NTRK3: variants seen among roughly 807,000 people sequenced by gnomAD.
NTRK3 encodes NT-3 growth factor receptor.
NTRK3 carries 24 observed loss-of-function variants against 91.7 expected under a neutral mutation model. The observed-to-expected ratio is 0.26, with a 90% CI of 0.19 to 0.37. The LOEUF is 0.37. Among genes scored for constraint, NTRK3 ranks in the 10% least tolerant of loss-of-function variants. NTRK3 has a pLI of 1.00. For synonymous variants in NTRK3, 483 were observed against 404.0 expected (o/e 1.20, Z -2.34); for missense variants, 880 against 1,068.9 (o/e 0.82, Z 2.46).
intron 14 of NTRK3, among the ~76,000 whole-genome samples, chr15:87,964,471 G>GTA (rs1596439906): frequency 6.6e-6 from 1 of 151,256 alleles, no homozygotes; most frequent in Non-Finnish European, 1.5e-5. Flanking sequence ...AACTTATTTT[G>GTA]TATATATATA....
intron 8 of NTRK3, 29 bp from the exon 9 acceptor site, chr15:88,136,069 CAGAT>C (rs753570200): frequency 1.2e-6 from 2 of 1,613,986 alleles, no homozygotes; most frequent in Admixed American, 3.3e-5. Flanking sequence ...AGATAACAAT[CAGAT>C]AGCTTCTACA....
At chr15:87,913,495 A>T (rs1596222781) in intron 17 of NTRK3, among the ~76,000 whole-genome samples, 4 of 152,210 alleles carry the variant, frequency 2.6e-5, no homozygotes, top group Admixed American at 2.6e-4. Flanking sequence ...TCACCAGCTG[A>T]TCACCACTTT....
At chr15:87,901,901 T>C (rs1439051666) in intron 17 of NTRK3, among the ~76,000 whole-genome samples, 1 of 152,076 alleles carries the variant, frequency 6.6e-6, no homozygotes, top group Non-Finnish European at 1.5e-5. Flanking sequence ...CCAAAGTTCT[T>C]ATTCACCACC....
rs61582719 is a variant in NTRK3 at position 87,925,441 on chromosome 15, GCACACACA to G, written c.2133+3742_2133+3749del. On this transcript the variant is annotated intron_variant, in intron 17 of 18. Coordinates refer to ENST00000394480, the Ensembl canonical transcript of NTRK3. ...ACTGGGCAGGCAAGCACACGTGTAT[GCACACACA>G]CACACACACACACACACACAGGCCT... 559 of 181,038 alleles carry G rather than the reference GCACACACA, an allele frequency of 3.1e-3. 4 individuals carry two copies. The highest frequency in any genetic ancestry group is 0.01 in the Middle Eastern group (5 of 498). The allele number at this position is 181,038 out of a possible 1,614,324, so 11.2% of individuals were successfully genotyped here. A position where few individuals can be genotyped will look rare whatever the true frequency, so the allele number is the denominator to read the frequency against.
At chr15:88,001,229 C>T (rs2076078084) in intron 14 of NTRK3, among the ~76,000 whole-genome samples, 1 of 152,058 alleles carries the variant, frequency 6.6e-6, no homozygotes, top group South Asian at 2.1e-4. Flanking sequence ...TTTATATATT[C>T]TGGATACTAC....
chr15:87,945,471 T>C (rs562206350), intron 14 of NTRK3, among the ~76,000 whole-genome samples: 1 of 152,328 alleles, frequency 6.6e-6, no homozygotes, highest in Non-Finnish European at 1.5e-5. Context: ...AAGCGTGACC[T>C]AGAGCAGAAT....
exon 19 of NTRK3, chr15:87,871,593 T>C (rs1187290930): frequency 4.4e-6 from 1 of 229,870 alleles, no homozygotes; most frequent in Admixed American, 5.7e-5. Context: ...CTCAGAATGT[T>C]AGTCAGCATA....
At chr15:87,923,652 C>T (rs2068055196) in intron 17 of NTRK3, among the ~76,000 whole-genome samples, 1 of 152,122 alleles carries the variant, frequency 6.6e-6, no homozygotes, top group Non-Finnish European at 1.5e-5. Context: ...TTGGAGAAAG[C>T]ATTCATATTT....
intron 3 of NTRK3, among the ~76,000 whole-genome samples, chr15:88,190,344 T>C (rs1372416897): frequency 1.3e-5 from 2 of 152,174 alleles, no homozygotes; most frequent in African/African-American, 4.8e-5. Flanking sequence ...CACACATCCT[T>C]GCCTTTTTAA....
intron 3 of NTRK3, among the ~76,000 whole-genome samples, chr15:88,210,337 C>T (rs1567653017): frequency 6.6e-6 from 1 of 152,160 alleles, no homozygotes; most frequent in African/African-American, 2.4e-5. Context: ...AGAGCAATGA[C>T]CTGATCTATC....
chr15:88,245,804 C>G (rs559407638), intron 3 of NTRK3, among the ~76,000 whole-genome samples: 2 of 152,214 alleles, frequency 1.3e-5, no homozygotes, highest in South Asian at 4.2e-4. Context: ...AGTAGCCAGC[C>G]CAGGGTCTCA....
chr15:88,109,451 A>G (rs546722908), intron 13 of NTRK3, among the ~76,000 whole-genome samples: 3 of 152,366 alleles, frequency 2.0e-5, no homozygotes, highest in Non-Finnish European at 2.9e-5. Flanking sequence ...AAGCAGGGAC[A>G]ATAATTTTTG....
chr15:87,912,513 T>C (rs1048395322), intron 17 of NTRK3, among the ~76,000 whole-genome samples: 6 of 152,162 alleles, frequency 3.9e-5, no homozygotes, highest in African/African-American at 7.2e-5. Context: ...ATTGACCTCA[T>C]AGCACTTTGA....
At chr15:88,239,117 G>C (rs1333882248) in intron 3 of NTRK3, among the ~76,000 whole-genome samples, 1 of 152,272 alleles carries the variant, frequency 6.6e-6, no homozygotes, top group East Asian at 1.9e-4. Context: ...CCACAAACAT[G>C]GGTCTGGGCA....
chr15:88,079,607 G>C (rs1457894428), intron 13 of NTRK3, among the ~76,000 whole-genome samples: 2 of 152,160 alleles, frequency 1.3e-5, no homozygotes, highest in Non-Finnish European at 2.9e-5. Context: ...AAACCCTAAA[G>C]GGATTTAATT....
intron 14 of NTRK3, among the ~76,000 whole-genome samples, chr15:87,965,937 G>C (rs867858634): frequency 1.6e-4 from 25 of 152,150 alleles, no homozygotes; most frequent in African/African-American, 5.3e-4. Context: ...AATCTGCCAG[G>C]TGTGGTGGCG....
intron 13 of NTRK3, among the ~76,000 whole-genome samples, chr15:88,078,118 T>C (rs1366072644): frequency 6.6e-6 from 1 of 152,040 alleles, no homozygotes; most frequent in Non-Finnish European, 1.5e-5. Context: ...ATCTATAAGG[T>C]GTATACATCA....
chr15:88,134,838 T>C (rs16941326), intron 10 of NTRK3, among the ~76,000 whole-genome samples: 1 of 152,242 alleles, frequency 6.6e-6, no homozygotes, highest in Non-Finnish European at 1.5e-5. Context: ...CTCTGCTTTC[T>C]CTACTATCAT....
intron 14 of NTRK3, among the ~76,000 whole-genome samples, chr15:87,980,031 G>A (rs190887767): frequency 1.8e-4 from 28 of 152,258 alleles, no homozygotes; most frequent in African/African-American, 4.6e-4. Flanking sequence ...TGACCTTTTC[G>A]CCTCACACCA....
Sources: allele counts gnomAD v4.1 joint callset (sites outside exome capture counted in the v4.1 genomes callset), GRCh38; gene constraint gnomAD v4.1.1; transcripts MANE v1.5; gene names NCBI Gene and HGNC (gene_info 2026-07-23, HGNC 2026-07-21).